The following ATXN2 variants were observed in gnomAD, a reference collection of about 807,000 sequenced individuals.
ATXN2 encodes the protein ataxin 2.
ATXN2 carries 37 observed loss-of-function variants against 138.6 expected under a neutral mutation model. The ratio of observed to expected loss-of-function variants is 0.27; its 90% confidence interval spans 0.21 to 0.35. The LOEUF is 0.35. Ranked by LOEUF, ATXN2 falls within the 10% of genes least tolerant of loss-of-function variation. The probability of loss-of-function intolerance (pLI) is 1.00; values close to 1 mark genes in which losing one functional copy is unlikely to be tolerated. For missense variants in ATXN2, 1,216 were observed against 1,480.3 expected, an observed-to-expected ratio of 0.82 and a Z score of 2.93; for synonymous variants, 549 against 543.7, an observed-to-expected ratio of 1.01 and a Z score of -0.13.
Position 111,452,244 on chromosome 12 carries a change from ATTTT to A in ATXN2, c.*564_*567del, listed in dbSNP as rs896440401. ...TTTTAAAACTTTTTTTATTTTTTAA[ATTTT>A]TTTTAAGTTTTTATTTTATATTATC... On this transcript the variant is annotated 3_prime_UTR_variant, in exon 25 of 25. Coordinates refer to ENST00000673436, the MANE Select transcript of ATXN2 (RefSeq NM_001372574.1). 1 of 152,294 alleles carries A rather than the reference ATTTT, an allele frequency of 6.6e-6. No homozygotes were observed. The highest frequency in any genetic ancestry group is 2.4e-5 in the African/African-American group (1 of 41,392). The allele number at this position is 152,294 out of a possible 1,614,324, so 9.4% of individuals were successfully genotyped here.
Position 111,516,515 on chromosome 12 carries a change from A to G in ATXN2, c.1166-152T>C, listed in dbSNP as rs1203300841. 5.2e-6 allele frequency: 4 copies of G among 770,472 alleles called. No homozygotes were observed. The highest frequency in any genetic ancestry group is 3.9e-5 in the South Asian group (2 of 51,874). 47.7% of individuals were successfully genotyped at this position (770,472 alleles called of 1,614,324 possible). A position where few individuals can be genotyped will look rare whatever the true frequency, so the allele number is the denominator to read the frequency against. ...CATTTGATTTGTGATAAGTTTTAGC[A>G]TAACTTAACTGACATAAATTCACAT... is the stretch of plus-strand genomic sequence containing the variant. On this transcript the variant is annotated intron_variant, in intron 9 of 24. Transcript: ENST00000673436. The surrounding 1 kb of genome is among the most constrained non-coding windows in gnomAD (Gnocchi z 5.0).
Position 111,453,918 on chromosome 12 carries a change from C to A in ATXN2, c.3271-73G>T. ...AACAACATGTCAACTGTGTTCCTTT[C>A]ACTGGGCTGGGACTCTCAGGAAAGG... On this transcript the variant is annotated intron_variant, in intron 23 of 24. Coordinates refer to ENST00000673436, the MANE Select transcript of ATXN2 (RefSeq NM_001372574.1). This position sits in a 1 kb window ranked among gnomAD's most constrained non-coding sequence, Gnocchi z 5.4. 1 of 1,487,312 alleles carries A rather than the reference C, an allele frequency of 6.7e-7. No homozygotes were observed. Among genetic ancestry groups the A allele is most frequent in the South Asian group, 1.3e-5 (1 of 76,696 alleles). 92.1% of individuals were successfully genotyped at this position (1,487,312 alleles called of 1,614,324 possible).
rs927254914 is a variant in ATXN2 at position 111,510,483 on chromosome 12, C to A, written c.1658G>T (p.Gly553Val). ...GGCAACAGCTTCAGTTGGAATAATA[C>A]CAGCTTGGGGAGAAGCAAGAACTGG... is the stretch of plus-strand genomic sequence containing the variant. ...SGPVLASPQA[G>V]IIPTEAVAMP... The change falls in exon 12 of 25, where the codon GGT (glycine) becomes GTT (valine). Residue 553 changes from glycine (G) to valine (V), a missense_variant. Physicochemically the swap from Gly to Val is moderately radical, Grantham distance 109. This residue lies in a region of ATXN2 where 215 missense variants were observed against 210.0 expected (regional missense o/e 1.02). Transcript: ENST00000673436. The A allele has an allele frequency of 2.5e-6, 4 of 1,613,996 alleles. No individual in the cohort carries two copies. The highest frequency in any genetic ancestry group is 3.4e-6 in the Non-Finnish European group (4 of 1,180,028).
rs771301346 is a variant in ATXN2 at position 111,452,716 on chromosome 12, AC to A, written c.*95del. 3.0e-6 allele frequency: 4 copies of A among 1,338,028 alleles called. No individual in the cohort carries two copies. The South Asian group carries it at 4.7e-5, about 16-fold the overall frequency. 82.9% of individuals were successfully genotyped at this position (1,338,028 alleles called of 1,614,324 possible). A position where few individuals can be genotyped will look rare whatever the true frequency, so the allele number is the denominator to read the frequency against. Reference sequence around the variant, plus strand: ...AGAAATCAACATATATATTTTAAAAACAAAATAAATGAAATTCTAGTTTTCT... The same window carrying A: ...AGAAATCAACATATATATTTTAAAAAAAAATAAATGAAATTCTAGTTTTCT... On this transcript the variant is annotated 3_prime_UTR_variant, in exon 25 of 25. Transcript: ENST00000673436.
At chr12:111,535,892 T>TGG (rs1201243917) in intron 5 of ATXN2, among the ~76,000 whole-genome samples, 1 of 145,056 alleles carries the variant, frequency 6.9e-6, no homozygotes, top group Non-Finnish European at 1.5e-5. Flanking sequence ...CCCAGCTACT[T>TGG]GGGAGGCTGA....
chr12:111,495,516 T>TA (rs1326391126), intron 14 of ATXN2, among the ~76,000 whole-genome samples: 1 of 152,208 alleles, frequency 6.6e-6, no homozygotes, highest in African/African-American at 2.4e-5. Flanking sequence ...TGTATAATGA[T>TA]AAAGGGATCA....
chr12:111,463,122 G>A (rs1380137559), intron 21 of ATXN2, among the ~76,000 whole-genome samples: 2 of 152,194 alleles, frequency 1.3e-5, no homozygotes, highest in Admixed American at 6.5e-5. Context: ...GTCAGACATT[G>A]AGTCACCCCA....
In ATXN2 at chr12:111,510,085, T is replaced by G. The variant is rs917314605; in HGVS notation, c.1757-87A>C. 1.8e-5 allele frequency: 18 copies of G among 1,012,516 alleles called. No homozygotes were observed. In the Admixed American group the frequency reaches 4.9e-4, roughly 28 times the overall value. 62.7% of individuals were successfully genotyped at this position (1,012,516 alleles called of 1,614,324 possible). ...GAACAATAATTTTGATTTCCTATGT[T>G]TTTGGAAAATAATGCTTTCATTTAA... On this transcript the variant is annotated intron_variant, in intron 12 of 24. Coordinates refer to ENST00000673436, the MANE Select transcript of ATXN2 (RefSeq NM_001372574.1).
At chr12:111,509,844 T>G (rs1399936740) in intron 13 of ATXN2, 47 bp downstream of exon 13, 1 of 1,390,074 alleles carries the variant, frequency 7.2e-7, no homozygotes. Flanking sequence ...TTAGACATAC[T>G]TCTTCCTATT....
intron 5 of ATXN2, among the ~76,000 whole-genome samples, chr12:111,550,045 G>A (rs1348068137): frequency 7.4e-6 from 1 of 135,126 alleles, no homozygotes; most frequent in Non-Finnish European, 1.5e-5. Flanking sequence ...CTGGGCAACA[G>A]AGCGAAACTC....
intron 20 of ATXN2, among the ~76,000 whole-genome samples, chr12:111,466,008 A>G (rs1728105446): frequency 6.6e-6 from 1 of 150,736 alleles, no homozygotes; most frequent in Non-Finnish European, 1.5e-5. Context: ...TCTACTAAAA[A>G]CACAAAAATT....
In ATXN2 at chr12:111,518,513, G is replaced by A. The variant is rs532353305; in HGVS notation, c.987-86C>T. 855 of 1,358,260 alleles carry A rather than the reference G, an allele frequency of 6.3e-4. 6 individuals are homozygous for A. Among genetic ancestry groups the A allele is most frequent in the Middle Eastern group, 3.4e-3 (15 of 4,422 alleles). 84.1% of individuals were successfully genotyped at this position (1,358,260 alleles called of 1,614,324 possible). A position where few individuals can be genotyped will look rare whatever the true frequency, so the allele number is the denominator to read the frequency against. On this transcript the variant is annotated intron_variant, in intron 8 of 24. Transcript: ENST00000673436. Reference sequence around the variant, plus strand: ...ATCTAAAAGTCATCTAGACAGAAGGGAATGCTTGTTACAAAAAGGTTCTAC... The same window carrying A: ...ATCTAAAAGTCATCTAGACAGAAGGAAATGCTTGTTACAAAAAGGTTCTAC...
intron 5 of ATXN2, among the ~76,000 whole-genome samples, chr12:111,549,934 T>C (rs1358301766): frequency 6.6e-6 from 1 of 151,758 alleles, no homozygotes; most frequent in East Asian, 1.9e-4. Flanking sequence ...TGGTGGCACA[T>C]GCCTCAGTAA....
chr12:111,558,958 A>AAG (rs1372281207), intron 1 of ATXN2, among the ~76,000 whole-genome samples: 10 of 151,032 alleles, frequency 6.6e-5, no homozygotes, highest in African/African-American at 1.9e-4. Context: ...CCCTTAAAAA[A>AAG]AAAAAAAAGC....
At chr12:111,495,033 C>T (rs369166764) in intron 14 of ATXN2, among the ~76,000 whole-genome samples, 40 of 151,854 alleles carry the variant, frequency 2.6e-4, no homozygotes, top group East Asian at 2.3e-3. Flanking sequence ...AGGCTGGGTG[C>T]GGTGGCTCAC....
At chr12:111,473,692 A>G (rs1437467728) in intron 18 of ATXN2, among the ~76,000 whole-genome samples, 1 of 152,046 alleles carries the variant, frequency 6.6e-6, no homozygotes, top group Non-Finnish European at 1.5e-5. Context: ...GAACTCACTG[A>G]CTACTCCTAT....
chr12:111,572,176 G>C (rs1360199332), intron 1 of ATXN2, among the ~76,000 whole-genome samples: 1 of 152,056 alleles, frequency 6.6e-6, no homozygotes, highest in African/African-American at 2.4e-5. Flanking sequence ...GCAGCAGGTG[G>C]ATCACCTGAG....
chr12:111,597,387 G>C (rs949721051), intron 1 of ATXN2, among the ~76,000 whole-genome samples: 2 of 152,176 alleles, frequency 1.3e-5, no homozygotes, highest in African/African-American at 4.8e-5. Flanking sequence ...GGAGGACGCC[G>C]GTCACCCGCC....
intron 1 of ATXN2, among the ~76,000 whole-genome samples, chr12:111,560,516 A>T (rs568966319): frequency 6.6e-6 from 1 of 152,162 alleles, no homozygotes; most frequent in Non-Finnish European, 1.5e-5. Context: ...AAAAGAGACA[A>T]AGCCATGCCA....
Sources: allele counts gnomAD v4.1 joint callset (sites outside exome capture counted in the v4.1 genomes callset), GRCh38; gene constraint gnomAD v4.1.1; regional missense constraint gnomAD v4.1.1; non-coding constraint Gnocchi (gnomAD v3.1); transcripts MANE v1.5; gene names NCBI Gene and HGNC (gene_info 2026-07-23, HGNC 2026-07-21).